The following ASCC2 variants were observed in gnomAD, a reference collection of about 807,000 sequenced individuals.
The protein encoded by ASCC2 is ASC-1 complex subunit P100.
A neutral mutation model predicts 93.5 loss-of-function variants in ASCC2; 42 were observed. The observed-to-expected ratio is 0.45, with a 90% CI of 0.35 to 0.58. ASCC2 has a LOEUF of 0.58. Among genes scored for constraint, ASCC2 ranks in the 20% least tolerant of loss-of-function variants. The probability of loss-of-function intolerance (pLI) is 0.00; values close to 1 mark genes in which losing one functional copy is unlikely to be tolerated. For synonymous variants in ASCC2, 364 were observed against 384.2 expected, an observed-to-expected ratio of 0.95 and a Z score of 0.62; for missense variants, 859 against 977.6, an observed-to-expected ratio of 0.88 and a Z score of 1.62.
At position 29,789,056 on chromosome 22, in the gene ASCC2, G is replaced by A; in HGVS notation, c.2231C>T (p.Thr744Ile). The A allele has an allele frequency of 6.2e-7, 1 of 1,614,186 alleles. No individual in the cohort carries two copies. Among genetic ancestry groups the A allele is most frequent in the Non-Finnish European group, 8.5e-7 (1 of 1,180,028 alleles). ...TTTGCTCCTCTTGCGGTCGGCCATG[G>A]TTCTCCGGTTGTGGTTGGCTCTTGT... ...KATRANHNRR[T>I]MADRKRSKGM... The change falls in exon 20 of 20, where the codon ACC becomes ATC. Residue 744 changes from threonine (T) to isoleucine (I), a missense_variant. Thr to Ile is a moderately conservative substitution (Grantham distance 89, BLOSUM62 -1). Transcript: ENST00000307790.
Position 29,800,974 on chromosome 22 carries a change from T to C in ASCC2, c.1688+17A>G, listed in dbSNP as rs764602943. ...CCAGAGTTGGGGTATCGGAACCCCATGGCCCACTGCACTCACCTCTTGCCC... is the reference window on the plus strand; with the variant it reads ...CCAGAGTTGGGGTATCGGAACCCCACGGCCCACTGCACTCACCTCTTGCCC... On this transcript the variant is annotated intron_variant, in intron 15 of 19. Transcript: ENST00000307790. The C allele has an allele frequency of 1.4e-5, 22 of 1,570,164 alleles. No homozygotes were observed. The highest frequency in any genetic ancestry group is 1.9e-5 in the Non-Finnish European group (22 of 1,149,138).
At chr22:29,837,522 T>C (rs1244810250) in intron 1 of ASCC2, among the ~76,000 whole-genome samples, 1 of 152,158 alleles carries the variant, frequency 6.6e-6, no homozygotes, top group African/African-American at 2.4e-5. Context: ...CCCACCACTG[T>C]ATTCCCCTGC....
chr22:29,835,401 A>AT (rs2063651673), intron 1 of ASCC2, among the ~76,000 whole-genome samples: 2 of 151,468 alleles, frequency 1.3e-5, no homozygotes, highest in African/African-American at 4.9e-5. Context: ...CTGTCCCAAA[A>AT]TTTAAAAAAA....
intron 4 of ASCC2, among the ~76,000 whole-genome samples, chr22:29,823,665 T>C (rs1482952660): frequency 6.6e-6 from 1 of 152,108 alleles, no homozygotes; most frequent in South Asian, 2.1e-4. Flanking sequence ...CTGGCCAACA[T>C]GGTGAAACCC....
intron 19 of ASCC2, among the ~76,000 whole-genome samples, chr22:29,789,899 G>T (rs935515321): frequency 1.2e-4 from 18 of 152,188 alleles, no homozygotes; most frequent in Non-Finnish European, 2.2e-4. Context: ...TCACTGGGAA[G>T]ATGCGGGGCC....
chr22:29,820,437 C>T (rs1487623682), intron 5 of ASCC2, among the ~76,000 whole-genome samples: 1 of 151,760 alleles, frequency 6.6e-6, no homozygotes, highest in Non-Finnish European at 1.5e-5. Flanking sequence ...GCTGGGGTTA[C>T]AGGCGTGAGC....
intron 13 of ASCC2, among the ~76,000 whole-genome samples, 196 bp from the exon 14 acceptor site, chr22:29,802,404 G>C (rs753807883): frequency 1.3e-5 from 2 of 152,012 alleles, no homozygotes; most frequent in East Asian, 3.8e-4. Flanking sequence ...AAGGGGGCTC[G>C]TGATTGTTAT....
chr22:29,806,785 G>T lies in ASCC2; in HGVS notation c.1016+12C>A. ...AGACTCTTCCACCAGGAGGCAATTCGTGAGGGCTTACCTGCTTTCTAGGAT... is the reference window on the plus strand; with the variant it reads ...AGACTCTTCCACCAGGAGGCAATTCTTGAGGGCTTACCTGCTTTCTAGGAT... On this transcript the variant is annotated intron_variant, in intron 10 of 19. Coordinates refer to ENST00000307790, the MANE Select transcript of ASCC2 (RefSeq NM_032204.5). 1 of 1,598,902 alleles carries T rather than the reference G, an allele frequency of 6.3e-7. No homozygotes were observed. Among genetic ancestry groups the T allele is most frequent in the Non-Finnish European group, 8.6e-7 (1 of 1,166,622 alleles).
Position 29,820,751 on chromosome 22 carries a change from G to A in ASCC2, c.541+1584C>T, listed in dbSNP as rs1389745615. Among the ~76,000 whole-genome samples, 35 of 151,558 alleles carry A rather than the reference G, an allele frequency of 2.3e-4. 1 individual carries two copies. The highest frequency in any genetic ancestry group is 2.3e-3 in the Admixed American group (35 of 15,228). On this transcript the variant is annotated intron_variant, in intron 5 of 19. Transcript: ENST00000307790. ...GGAGTTCGAGACCAGCCTGATCAAC[G>A]TGGAGAAACCCCATCTCTACTAAAA...
intron 5 of ASCC2, among the ~76,000 whole-genome samples, chr22:29,817,731 G>A (rs1397187253): frequency 3.3e-5 from 5 of 152,156 alleles, no homozygotes; most frequent in Admixed American, 6.6e-5. Context: ...TATTCTTGGG[G>A]TCTTCTAAGT....
At chr22:29,823,335 G>C (rs2061837179) in intron 4 of ASCC2, among the ~76,000 whole-genome samples, 1 of 152,114 alleles carries the variant, frequency 6.6e-6, no homozygotes, top group African/African-American at 2.4e-5. Context: ...TACCATACCA[G>C]GCCCATTCTC....
intron 18 of ASCC2, among the ~76,000 whole-genome samples, chr22:29,791,539 G>C (rs1464093936): frequency 1.3e-5 from 2 of 152,176 alleles, no homozygotes; most frequent in Non-Finnish European, 2.9e-5. Flanking sequence ...AAATTAGCCA[G>C]GCATGGTGGC....
At chr22:29,819,197 G>C (rs915505249) in intron 5 of ASCC2, among the ~76,000 whole-genome samples, 4 of 152,068 alleles carry the variant, frequency 2.6e-5, no homozygotes, top group Non-Finnish European at 4.4e-5. Context: ...TTTCGCTCTT[G>C]TTGCCCAGGC....
intron 13 of ASCC2, among the ~76,000 whole-genome samples, chr22:29,802,866 G>A (rs1486905438): frequency 2.6e-5 from 4 of 152,116 alleles, no homozygotes; most frequent in Admixed American, 2.6e-4. Context: ...GATCCCAGAA[G>A]GTCGAGGCTG....
chr22:29,803,848 G>GT (rs2059376514), intron 13 of ASCC2, among the ~76,000 whole-genome samples: 1 of 152,202 alleles, frequency 6.6e-6, no homozygotes, highest in Admixed American at 6.5e-5. Context: ...GGTCTGGGCT[G>GT]GGAGGAAGGA....
chr22:29,820,660 G>T (rs564397059), intron 5 of ASCC2, among the ~76,000 whole-genome samples: 3 of 151,832 alleles, frequency 2.0e-5, no homozygotes, highest in African/African-American at 7.2e-5. Flanking sequence ...AAGGCTGGGC[G>T]CAGTGGCTCA....
At chr22:29,826,574 G>T (rs968578613) in intron 2 of ASCC2, among the ~76,000 whole-genome samples, 25 of 152,106 alleles carry the variant, frequency 1.6e-4, no homozygotes, top group Non-Finnish European at 2.5e-4. Flanking sequence ...GCCTCCCAAA[G>T]TGCTAGGATT....
At chr22:29,792,066 G>A (rs537528642) in intron 18 of ASCC2, among the ~76,000 whole-genome samples, 26 of 152,176 alleles carry the variant, frequency 1.7e-4, no homozygotes, top group African/African-American at 2.2e-4. Flanking sequence ...CTAACTTACC[G>A]ATCCAGATGA....
At chr22:29,832,672 G>A (rs1228284948) in intron 1 of ASCC2, 8 of 174,182 alleles carry the variant, frequency 4.6e-5, no homozygotes, top group Non-Finnish European at 7.2e-5. Flanking sequence ...TGCAACCTCC[G>A]CCTCCCTGGT....
Sources: allele counts gnomAD v4.1 joint callset (sites outside exome capture counted in the v4.1 genomes callset), GRCh38; gene constraint gnomAD v4.1.1; transcripts MANE v1.5; gene names NCBI Gene and HGNC (gene_info 2026-07-23, HGNC 2026-07-21).